The following MYCBP2 variants were observed in gnomAD, a reference collection of about 807,000 sequenced individuals.
MYCBP2 encodes MYC binding protein 2.
Under a neutral mutation model 525.3 loss-of-function variants are expected in MYCBP2, and 120 were observed. That is an observed-to-expected ratio of 0.23 (90% confidence interval 0.20 to 0.27). The LOEUF is 0.27. MYCBP2 is among the 10% of genes least tolerant of loss of function. MYCBP2 has a pLI of 1.00. For missense variants in MYCBP2, 4,149 were observed against 5,657.1 expected (o/e 0.73, Z 8.55); for synonymous variants, 1,894 against 1,955.8 (o/e 0.97, Z 0.83).
chr13:77,078,327 A>G (rs1311620249), intron 66 of MYCBP2, among the ~76,000 whole-genome samples: 1 of 152,230 alleles, frequency 6.6e-6, no homozygotes, highest in African/African-American at 2.4e-5. Flanking sequence ...CATGAATACA[A>G]GTAAGGGAGC....
At chr13:77,305,596 T>G (rs1238798465) in intron 1 of MYCBP2, among the ~76,000 whole-genome samples, 1 of 152,112 alleles carries the variant, frequency 6.6e-6, no homozygotes, top group East Asian at 1.9e-4. Context: ...TGTTTAGTTG[T>G]ATGACTTTGT....
chr13:77,249,993 G>A (rs1217214664), intron 15 of MYCBP2, among the ~76,000 whole-genome samples: 1 of 152,080 alleles, frequency 6.6e-6, no homozygotes, highest in Non-Finnish European at 1.5e-5. Flanking sequence ...GGAGGCCGAG[G>A]CGGGCGGATC....
chr13:77,060,921 G>T (rs1319403576), intron 76 of MYCBP2, among the ~76,000 whole-genome samples: 5 of 152,128 alleles, frequency 3.3e-5, no homozygotes, highest in Non-Finnish European at 5.9e-5. Flanking sequence ...TGAAGTCAAT[G>T]AGTTCCAGAG....
At chr13:77,133,504 T>C (rs1359047373) in intron 52 of MYCBP2, among the ~76,000 whole-genome samples, 1 of 152,132 alleles carries the variant, frequency 6.6e-6, no homozygotes, top group East Asian at 1.9e-4. Flanking sequence ...TGAGTCCTTA[T>C]CCTTAAGTAG....
chr13:77,237,800 C>T (rs2068151262), intron 17 of MYCBP2, among the ~76,000 whole-genome samples: 1 of 152,074 alleles, frequency 6.6e-6, no homozygotes, highest in African/African-American at 2.4e-5. Context: ...AAGGGTTATG[C>T]TGATCTATTT....
chr13:77,184,976 A>T, intron 32 of MYCBP2, 127 bp downstream of exon 32: 2 of 931,352 alleles, frequency 2.1e-6, no homozygotes, highest in Non-Finnish European at 3.2e-6. Context: ...TAAGTCATGT[A>T]CACCGAATGA....
At position 77,270,079 on chromosome 13, in the gene MYCBP2, A is replaced by C; in HGVS notation, c.1189-16T>G. 1 of 1,585,588 alleles carries C rather than the reference A, an allele frequency of 6.3e-7. No homozygotes were observed. Among genetic ancestry groups the C allele is most frequent in the African/African-American group, 1.4e-5 (1 of 73,590 alleles). On this transcript the variant is annotated splice_polypyrimidine_tract_variant and intron_variant, in intron 6 of 82. Transcript: ENST00000544440. The stretch of plus-strand genomic sequence containing the variant: ...ATATATGGCCCTGCAAAAAAAACAA[A>C]AGTTAGTATATCAGTGGTTTCATAA...
intron 73 of MYCBP2, among the ~76,000 whole-genome samples, chr13:77,064,273 C>T (rs773418425): frequency 1.3e-4 from 20 of 152,228 alleles, no homozygotes; most frequent in Non-Finnish European, 2.4e-4. Flanking sequence ...CGGTCTATCA[C>T]AGCATAATGC....
intron 26 of MYCBP2, among the ~76,000 whole-genome samples, chr13:77,202,231 T>C (rs1448858272): frequency 6.6e-6 from 1 of 152,076 alleles, no homozygotes; most frequent in Non-Finnish European, 1.5e-5. Context: ...CCCACAGAAA[T>C]ACAAACTACC....
intron 47 of MYCBP2, among the ~76,000 whole-genome samples, chr13:77,147,298 A>C (rs957340621): frequency 1.3e-5 from 2 of 152,070 alleles, no homozygotes; most frequent in African/African-American, 2.4e-5. Context: ...GGGTTTAGGC[A>C]GGCTTCAATT....
chr13:77,106,859 G>A (rs534487940), intron 55 of MYCBP2, among the ~76,000 whole-genome samples: 2 of 152,156 alleles, frequency 1.3e-5, no homozygotes, highest in South Asian at 4.1e-4. Context: ...AGGTAATCAA[G>A]CATTACCTGA....
At chr13:77,127,032 A>AT in intron 52 of MYCBP2, among the ~76,000 whole-genome samples, 1 of 152,222 alleles carries the variant, frequency 6.6e-6, no homozygotes, top group Non-Finnish European at 1.5e-5. Context: ...AAACTGATCC[A>AT]TAAGCAGAGA....
chr13:77,115,728 T>C (rs1467105115), intron 55 of MYCBP2, among the ~76,000 whole-genome samples: 3 of 151,342 alleles, frequency 2.0e-5, no homozygotes, highest in African/African-American at 7.3e-5. Flanking sequence ...CTCATAGAAA[T>C]GCTAGATGAA....
intron 3 of MYCBP2, among the ~76,000 whole-genome samples, chr13:77,283,467 T>A (rs2076406853): frequency 6.6e-6 from 1 of 152,194 alleles, no homozygotes; most frequent in African/African-American, 2.4e-5. Flanking sequence ...CCTAATATAA[T>A]GCTGGCTACA....
intron 30 of MYCBP2, among the ~76,000 whole-genome samples, chr13:77,186,459 G>A (rs2060725297): frequency 6.6e-6 from 1 of 152,092 alleles, no homozygotes; most frequent in African/African-American, 2.4e-5. Context: ...TACAGTCACT[G>A]TAGTAAAAAA....
intron 55 of MYCBP2, among the ~76,000 whole-genome samples, chr13:77,118,952 C>CA (rs757494634): frequency 2.6e-5 from 4 of 152,058 alleles, no homozygotes; most frequent in Non-Finnish European, 4.4e-5. Flanking sequence ...AGTTTTTCTT[C>CA]AAAAAGCAGA....
At chr13:77,174,804 A>T (rs2059452937) in intron 36 of MYCBP2, among the ~76,000 whole-genome samples, 1 of 143,292 alleles carries the variant, frequency 7.0e-6, no homozygotes, top group South Asian at 2.2e-4. Context: ...TAACTTGTTC[A>T]AAGTCACGCA....
intron 57 of MYCBP2, among the ~76,000 whole-genome samples, 194 bp downstream of exon 57, chr13:77,096,118 A>G (rs1392588028): frequency 6.6e-6 from 1 of 152,178 alleles, no homozygotes; most frequent in East Asian, 1.9e-4. Context: ...TGTTATTCCA[A>G]TATATAGTTA....
At chr13:77,316,425 AG>A (rs1385763961) in intron 1 of MYCBP2, among the ~76,000 whole-genome samples, 1 of 152,204 alleles carries the variant, frequency 6.6e-6, no homozygotes, top group Non-Finnish European at 1.5e-5. Context: ...TATTGGAACT[AG>A]GGAAGAGTCT....
Sources: allele counts gnomAD v4.1 joint callset (sites outside exome capture counted in the v4.1 genomes callset), GRCh38; gene constraint gnomAD v4.1.1; transcripts MANE v1.5; gene names NCBI Gene and HGNC (gene_info 2026-07-23, HGNC 2026-07-21).